GSTT4: variants seen among roughly 807,000 people sequenced by gnomAD.
GSTT4 encodes the protein glutathione S-transferase theta 4.
chr22:24,005,209 C>G (rs1438768870), intron 1 of GSTT4, 36 bp downstream of exon 1: 1 of 153,246 alleles, frequency 6.5e-6, no homozygotes, highest in South Asian at 2.1e-4. Context: ...TGCCTCCCCC[C>G]AGGACCAGGC....
At chr22:24,004,057 A>C (rs2034298250) in intron 1 of GSTT4, 1 of 153,594 alleles carries the variant, frequency 6.5e-6, no homozygotes, top group African/African-American at 2.4e-5. Context: ...GCTCCACCCT[A>C]GGTTTGGTGA....
At position 24,001,858 on chromosome 22, in the gene GSTT4, G is replaced by C. The variant is rs1010267465; in HGVS notation, c.201-533C>G. Among the ~76,000 whole-genome samples the C allele has an allele frequency of 9.8e-5, 15 of 152,352 alleles. No homozygotes were observed. The Middle Eastern group carries it at 0.01, about 104-fold the overall frequency. On this transcript the variant is annotated intron_variant, in intron 2 of 4. Transcript: ENST00000621179. ...ATACAAAAATTAGCTAGTTGTGGTGGCACACACCTGTAATCCCAGCTACTT... is the reference window on the plus strand; with the variant it reads ...ATACAAAAATTAGCTAGTTGTGGTGCCACACACCTGTAATCCCAGCTACTT...
chr22:24,001,949 C>T (rs1181886089), intron 2 of GSTT4, among the ~76,000 whole-genome samples: 2 of 152,266 alleles, frequency 1.3e-5, no homozygotes, highest in Non-Finnish European at 2.9e-5. Flanking sequence ...CAAGATTGTG[C>T]CACTGTACTC....
chr22:24,002,597 G>C (rs186733392), intron 2 of GSTT4, among the ~76,000 whole-genome samples: 1 of 39,844 alleles, frequency 2.5e-5, no homozygotes, highest in Non-Finnish European at 7.4e-5. Context: ...CTGGGAGGCC[G>C]AGGCGGGGGG....
At position 24,000,256 on chromosome 22, in the gene GSTT4, C is replaced by G. The variant is rs1475449696; in HGVS notation, c.352-5G>C. On this transcript the variant is annotated splice_polypyrimidine_tract_variant and splice_region_variant and intron_variant, in intron 3 of 4. Coordinates refer to ENST00000621179, the MANE Select transcript of GSTT4 (RefSeq NM_001358664.2). ...TGTTATCTTTGGGATCAGCAACTGG[C>G]CAGGGTTGGGAAGAGGAGGGAAGAG... 6.5e-6 allele frequency: 1 copy of G among 153,210 alleles called. No homozygotes were observed. The highest frequency in any genetic ancestry group is 2.4e-5 in the African/African-American group (1 of 41,238). The allele number at this position is 153,210 out of a possible 1,614,324, so 9.5% of individuals were successfully genotyped here.
In GSTT4 at chr22:23,998,569, A is replaced by C. The variant is rs1303027349; in HGVS notation, c.699T>G (p.Ile233Met). The C allele has an allele frequency of 6.6e-6, 1 of 151,186 alleles. No homozygotes were observed. Among genetic ancestry groups the C allele is most frequent in the African/African-American group, 2.5e-5 (1 of 40,722 alleles). The allele number at this position is 151,186 out of a possible 1,614,324, so 9.4% of individuals were successfully genotyped here. The change falls in exon 5 of 5, where the codon ATT (isoleucine) becomes ATG (methionine). Residue 233 changes from isoleucine (I) to methionine (M), a missense_variant. Coordinates refer to ENST00000621179, the MANE Select transcript of GSTT4 (RefSeq NM_001358664.2). ...ACCTGCTCTTCTTCAGCAACTCAGAAATATTCTCCTTGACCATTGAATCCA... is the reference window on the plus strand; with the variant it reads ...ACCTGCTCTTCTTCAGCAACTCAGACATATTCTCCTTGACCATTGAATCCA... ...STLDSMVKEN[I>M]SELLKKSR
At chr22:24,001,817 C>T (rs905295263) in intron 2 of GSTT4, among the ~76,000 whole-genome samples, 2 of 152,274 alleles carry the variant, frequency 1.3e-5, no homozygotes, top group Non-Finnish European at 2.9e-5. Flanking sequence ...GAAACCCTGT[C>T]TCTACTAAAA....
the GSTT4 span, among the ~76,000 whole-genome samples, chr22:23,989,619 T>C: frequency 6.7e-6 from 1 of 149,612 alleles, no homozygotes; most frequent in Non-Finnish European, 1.5e-5. Context: ...CAGCCAAACA[T>C]GTTCCCAACC....
At chr22:24,000,613 C>T (rs1266092092) in intron 3 of GSTT4, among the ~76,000 whole-genome samples, 2 of 143,590 alleles carry the variant, frequency 1.4e-5, no homozygotes, top group East Asian at 3.9e-4. Flanking sequence ...GGCTGGAGTG[C>T]AGTGGCACAA....
chr22:24,003,379 T>A (rs8141242), intron 2 of GSTT4, among the ~76,000 whole-genome samples: 1 of 152,102 alleles, frequency 6.6e-6, no homozygotes, highest in Non-Finnish European at 1.5e-5. Context: ...CTGGCTAATT[T>A]TTGTATTTTT....
At chr22:23,994,786 G>A (rs2034099831), downstream of GSTT4, among the ~76,000 whole-genome samples, 2 of 152,042 alleles carry the variant, frequency 1.3e-5, no homozygotes, top group Non-Finnish European at 2.9e-5. Context: ...CCTGGTTGTG[G>A]GTACTTTTCT....
intron 2 of GSTT4, among the ~76,000 whole-genome samples, chr22:24,001,539 G>C (rs1213177114): frequency 6.6e-6 from 1 of 152,278 alleles, no homozygotes; most frequent in Admixed American, 6.5e-5. Flanking sequence ...GGGGCTGGTG[G>C]TATAACAAAG....
the GSTT4 span, among the ~76,000 whole-genome samples, chr22:23,989,663 G>A: frequency 1.3e-5 from 2 of 151,016 alleles, no homozygotes; most frequent in South Asian, 4.3e-4. Flanking sequence ...GGGAATCCCT[G>A]CCCCATTCAG....
At chr22:24,000,875 T>C (rs2146229487) in intron 3 of GSTT4, among the ~76,000 whole-genome samples, 1 of 111,688 alleles carries the variant, frequency 9.0e-6, no homozygotes, top group South Asian at 3.3e-4. Context: ...GTGGGCCTTT[T>C]GACGCTGAGA....
intron 4 of GSTT4, among the ~76,000 whole-genome samples, chr22:23,998,951 C>G (rs1411086336): frequency 2.0e-5 from 3 of 152,244 alleles, no homozygotes; most frequent in Non-Finnish European, 4.4e-5. Flanking sequence ...AGTCACTGGT[C>G]TTCTTGCTCC....
At chr22:23,991,580 A>G in the GSTT4 span, among the ~76,000 whole-genome samples, 2 of 60,276 alleles carry the variant, frequency 3.3e-5, no homozygotes, top group Admixed American at 1.7e-4. Context: ...TAGGTGAGGG[A>G]TGGGCAGGAA....
At chr22:23,997,521 C>A (rs2034128702), downstream of GSTT4, among the ~76,000 whole-genome samples, 1 of 152,040 alleles carries the variant, frequency 6.6e-6, no homozygotes, top group Admixed American at 6.6e-5. Flanking sequence ...TTGCACCCAG[C>A]CTCCACTTTC....
At chr22:23,995,585 T>C (rs1197127542), downstream of GSTT4, among the ~76,000 whole-genome samples, 1 of 152,164 alleles carries the variant, frequency 6.6e-6, no homozygotes, top group African/African-American at 2.4e-5. Context: ...TGATCCACCT[T>C]CCCTTGGCCT....
At chr22:24,002,109 A>G (rs2034243116) in intron 2 of GSTT4, among the ~76,000 whole-genome samples, 2 of 152,284 alleles carry the variant, frequency 1.3e-5, no homozygotes, top group Non-Finnish European at 2.9e-5. Flanking sequence ...TTGGGGAGTG[A>G]TGAGGCAGCC....
Sources: allele counts gnomAD v4.1 joint callset (sites outside exome capture counted in the v4.1 genomes callset), GRCh38; gene constraint gnomAD v4.1.1; transcripts MANE v1.5; gene names NCBI Gene and HGNC (gene_info 2026-07-23, HGNC 2026-07-21).